Variants in NFATC2 observed in about 807,000 individuals in gnomAD.
NFATC2 encodes the protein nuclear factor of activated T cells 2.
A neutral mutation model predicts 87.3 loss-of-function variants in NFATC2; 22 were observed. That is an observed-to-expected ratio of 0.25 (90% confidence interval 0.18 to 0.36). NFATC2 has a LOEUF of 0.36. Ranked by LOEUF, NFATC2 falls within the 10% of genes least tolerant of loss-of-function variation. NFATC2 has a pLI of 1.00. For missense variants in NFATC2, 1,149 were observed against 1,259.1 expected, an observed-to-expected ratio of 0.91 and a Z score of 1.32; for synonymous variants, 565 against 542.2, an observed-to-expected ratio of 1.04 and a Z score of -0.58.
intron 2 of NFATC2, among the ~76,000 whole-genome samples, chr20:51,520,839 T>C (rs550374707): frequency 1.3e-5 from 2 of 151,962 alleles, no homozygotes; most frequent in African/African-American, 4.8e-5. Context: ...TTTGTATTTT[T>C]AGTAGAGACA....
intron 9 of NFATC2, among the ~76,000 whole-genome samples, chr20:51,411,743 G>A (rs1353532245): frequency 1.3e-5 from 2 of 151,988 alleles, no homozygotes; most frequent in Admixed American, 1.3e-4. Flanking sequence ...GGCCAGCCTG[G>A]TCTTGCACTC....
At chr20:51,426,212 G>T (rs543329116) in intron 9 of NFATC2, among the ~76,000 whole-genome samples, 1 of 152,170 alleles carries the variant, frequency 6.6e-6, no homozygotes, top group South Asian at 2.1e-4. Context: ...GGCATGGTGG[G>T]TCACAGCTAT....
chr20:51,508,593 C>T (rs923623255), intron 3 of NFATC2, among the ~76,000 whole-genome samples: 12 of 152,056 alleles, frequency 7.9e-5, no homozygotes, highest in African/African-American at 2.4e-4. Context: ...CTCTGCTACT[C>T]CCCACCCCAT....
chr20:51,525,005 C>T (rs1405558055), intron 1 of NFATC2, among the ~76,000 whole-genome samples: 2 of 151,980 alleles, frequency 1.3e-5, no homozygotes, highest in East Asian at 1.9e-4. Context: ...AGATCACTTG[C>T]GGTCAGGAGT....
At chr20:51,398,030 C>T (rs1327522853) in intron 10 of NFATC2, among the ~76,000 whole-genome samples, 1 of 151,988 alleles carries the variant, frequency 6.6e-6, no homozygotes, top group African/African-American at 2.4e-5. Context: ...GGTGGATCTG[C>T]TGGGTGAGGG....
chr20:51,549,018 G>T (rs2076911489), intron 1 of NFATC2, among the ~76,000 whole-genome samples: 1 of 152,076 alleles, frequency 6.6e-6, no homozygotes. Context: ...AAAGAGCCTG[G>T]TACAGTGGTG....
chr20:51,451,254 C>T (rs988400220), intron 6 of NFATC2, among the ~76,000 whole-genome samples: 1 of 152,204 alleles, frequency 6.6e-6, no homozygotes, highest in Non-Finnish European at 1.5e-5. Context: ...ACTGCTGAGA[C>T]GCAGAGGGGA....
intron 9 of NFATC2, among the ~76,000 whole-genome samples, chr20:51,424,467 T>C (rs1346584915): frequency 6.6e-6 from 1 of 152,224 alleles, no homozygotes; most frequent in Non-Finnish European, 1.5e-5. Flanking sequence ...CGTCTGGTAC[T>C]GGGCAAAGAG....
intron 10 of NFATC2, among the ~76,000 whole-genome samples, chr20:51,392,656 G>A (rs1344877306): frequency 6.6e-6 from 1 of 152,158 alleles, no homozygotes; most frequent in African/African-American, 2.4e-5. Flanking sequence ...TCAAAGGCAG[G>A]TTCATTTCCC....
intron 1 of NFATC2, among the ~76,000 whole-genome samples, chr20:51,528,538 G>T (rs780021315): frequency 2.0e-5 from 3 of 152,130 alleles, no homozygotes; most frequent in African/African-American, 7.2e-5. Flanking sequence ...AGATGTACAC[G>T]CACAGCTGAA....
Position 51,475,666 on chromosome 20 carries a change from G to C in NFATC2, c.1333-6C>G. The C allele has an allele frequency of 6.2e-7, 1 of 1,613,932 alleles. No individual in the cohort carries two copies. Among genetic ancestry groups the C allele is most frequent in the Non-Finnish European group, 8.5e-7 (1 of 1,179,918 alleles). On this transcript the variant is annotated splice_polypyrimidine_tract_variant and splice_region_variant and intron_variant, in intron 3 of 10. Coordinates refer to ENST00000371564, the MANE Select transcript of NFATC2 (RefSeq NM_012340.5). ...TTTTCCATGTAGCCATGGAGCTGGT[G>C]GGGGAGAAAACAAAATCATTAAGGT...
upstream of NFATC2, among the ~76,000 whole-genome samples, chr20:51,547,648 T>C (rs990946659): frequency 1.3e-5 from 2 of 152,200 alleles, no homozygotes; most frequent in Admixed American, 6.5e-5. Context: ...TCAGTGTGAA[T>C]GTGTCCAAAA....
chr20:51,428,066 G>A (rs1185071196), intron 9 of NFATC2, among the ~76,000 whole-genome samples: 1 of 152,118 alleles, frequency 6.6e-6, no homozygotes, highest in Non-Finnish European at 1.5e-5. Context: ...GTCAAGGACA[G>A]AGAAGTCAAG....
chr20:51,467,049 G>A (rs1358793195), intron 5 of NFATC2, among the ~76,000 whole-genome samples: 8 of 134,080 alleles, frequency 6.0e-5, no homozygotes, highest in Non-Finnish European at 1.1e-4. Context: ...TCCAGCCTGA[G>A]CAACAAGAGC....
At chr20:51,477,665 A>G (rs1424587156) in intron 3 of NFATC2, among the ~76,000 whole-genome samples, 1 of 150,310 alleles carries the variant, frequency 6.7e-6, no homozygotes, top group African/African-American at 2.4e-5. Flanking sequence ...CACTAGACAA[A>G]TCATTTAATC....
At chr20:51,553,847 G>A (rs1003720928) in intron 1 of NFATC2, among the ~76,000 whole-genome samples, 2 of 151,990 alleles carry the variant, frequency 1.3e-5, no homozygotes, top group Non-Finnish European at 2.9e-5. Flanking sequence ...TGGTTCGTTA[G>A]GGGATAGAGT....
At chr20:51,506,802 T>G (rs1328032201) in intron 3 of NFATC2, among the ~76,000 whole-genome samples, 9 of 152,164 alleles carry the variant, frequency 5.9e-5, no homozygotes, top group Non-Finnish European at 1.0e-4. Flanking sequence ...TGTGGCATGT[T>G]GCAGCTGACA....
chr20:51,431,268 C>T (rs1241692689), intron 9 of NFATC2, among the ~76,000 whole-genome samples: 1 of 152,208 alleles, frequency 6.6e-6, no homozygotes, highest in African/African-American at 2.4e-5. Flanking sequence ...CCCACCCTCT[C>T]CGACCTCCCA....
At chr20:51,440,314 C>T (rs1037270624) in intron 6 of NFATC2, among the ~76,000 whole-genome samples, 2 of 148,936 alleles carry the variant, frequency 1.3e-5, no homozygotes, top group African/African-American at 5.0e-5. Context: ...ATTATTTCAA[C>T]ACTGTCTTCT....
Sources: gnomAD v4.1 joint callset for allele counts (sites outside exome capture counted in the v4.1 genomes callset) on GRCh38, gnomAD v4.1.1 for gene constraint, MANE v1.5 for transcripts, NCBI Gene and HGNC (gene_info 2026-07-23, HGNC 2026-07-21) for gene names.